ESCO1: variants seen among roughly 807,000 people sequenced by gnomAD.
ESCO1 encodes establishment of sister chromatid cohesion N-acetyltransferase 1.
In ESCO1, 33 loss-of-function variants were observed where a neutral mutation model predicts 83.5. The ratio of observed to expected loss-of-function variants is 0.40; its 90% CI spans 0.30 to 0.53. ESCO1 has a LOEUF of 0.53. Ranked by LOEUF, ESCO1 falls within the 20% of genes least tolerant of loss-of-function variation. The pLI is 0.63. For synonymous variants in ESCO1, 332 were observed against 324.3 expected (o/e 1.02, Z -0.25); for missense variants, 855 against 968.0 (o/e 0.88, Z 1.55).
At chr18:21,540,646 G>T in intron 8 of ESCO1, 1 of 1,341,470 alleles carries the variant, frequency 7.5e-7, no homozygotes, top group Non-Finnish European at 9.8e-7. Context: ...CTCAAAAAAA[G>T]AGAGGTAATA....
At chr18:21,531,889 A>G (rs771696706) in intron 11 of ESCO1, among the ~76,000 whole-genome samples, 22 of 46,660 alleles carry the variant, frequency 4.7e-4, no homozygotes, top group Non-Finnish European at 7.9e-4. Flanking sequence ...ATGAGACTCC[A>G]TCTCAAAAAA....
rs755285264 is a variant in ESCO1 at position 21,530,295 on chromosome 18, C to A, written c.*48G>T. On this transcript the variant is annotated 3_prime_UTR_variant, in exon 12 of 12. Transcript: ENST00000269214. Reference sequence around the variant, plus strand: ...TTCCTGGTTAAAGTCAGCAACCAATCCATTCTCTTCAATAGATGTCTTCTA... The same window carrying A: ...TTCCTGGTTAAAGTCAGCAACCAATACATTCTCTTCAATAGATGTCTTCTA... The A allele has an allele frequency of 6.9e-7, 1 of 1,447,210 alleles. No individual in the cohort carries two copies. Among genetic ancestry groups the A allele is most frequent in the Non-Finnish European group, 9.1e-7 (1 of 1,094,362 alleles). 89.6% of individuals were successfully genotyped at this position (1,447,210 alleles called of 1,614,324 possible).
At chr18:21,555,215 A>G (rs940270840) in intron 8 of ESCO1, among the ~76,000 whole-genome samples, 1 of 152,238 alleles carries the variant, frequency 6.6e-6, no homozygotes, top group African/African-American at 2.4e-5. Context: ...AGAAAAGGTA[A>G]AACTATGGAG....
intron 8 of ESCO1, among the ~76,000 whole-genome samples, chr18:21,551,077 A>G (rs1022479485): frequency 6.7e-5 from 10 of 149,160 alleles, no homozygotes; most frequent in African/African-American, 2.5e-4. Flanking sequence ...ACGCCACTGC[A>G]CTCCAGCCTG....
chr18:21,540,679 C>G (rs369884269), intron 8 of ESCO1: 20 of 1,302,660 alleles, frequency 1.5e-5, no homozygotes, highest in Admixed American at 4.6e-5. Flanking sequence ...GATCCACACT[C>G]GTGGTGATTA....
intron 1 of ESCO1, among the ~76,000 whole-genome samples, chr18:21,592,073 T>C (rs2038678683): frequency 6.6e-6 from 1 of 151,498 alleles, no homozygotes; most frequent in Non-Finnish European, 1.5e-5. Context: ...TCTACTTCTT[T>C]CCACACAGAC....
chr18:21,554,544 A>G (rs1197488321), intron 8 of ESCO1, among the ~76,000 whole-genome samples: 1 of 152,194 alleles, frequency 6.6e-6, no homozygotes, highest in Admixed American at 6.5e-5. Flanking sequence ...AGGCGGGTGG[A>G]TCACTTGAGG....
chr18:21,543,945 G>A (rs2037938721), intron 8 of ESCO1, among the ~76,000 whole-genome samples: 1 of 152,132 alleles, frequency 6.6e-6, no homozygotes, highest in East Asian at 1.9e-4. Flanking sequence ...TGAAGGTGTA[G>A]TTATATTCTT....
At chr18:21,531,236 G>A (rs899055113) in intron 11 of ESCO1, among the ~76,000 whole-genome samples, 8 of 151,050 alleles carry the variant, frequency 5.3e-5, no homozygotes, top group Non-Finnish European at 1.2e-4. Context: ...AAGCCCAAGA[G>A]TTCAAGGCCA....
rs567313274 is a variant in ESCO1, at chr18:21,540,863, G to A, written c.1954-854C>T. 3.9e-5 allele frequency among the ~76,000 whole-genome samples: 6 copies of A among 152,098 alleles called. No individual in the cohort carries two copies. In the East Asian group the frequency reaches 9.7e-4, roughly 24 times the overall value. On this transcript the variant is annotated intron_variant, in intron 8 of 11. Coordinates refer to ENST00000269214, the MANE Select transcript of ESCO1 (RefSeq NM_052911.3). ...AACCCAACCAACTTTACATAAAAAG[G>A]CCTTTCCAGAAGCCATTTATACTTC... is the stretch of plus-strand genomic sequence containing the variant.
chr18:21,536,207 T>C, intron 9 of ESCO1, 22 bp from the exon 10 acceptor site: 20 of 1,600,490 alleles, frequency 1.2e-5, no homozygotes, highest in Non-Finnish European at 1.7e-5. Context: ...AGAACAGTAA[T>C]TATTTTTAAA....
chr18:21,558,214 CAAAT>C (rs2038136994), intron 8 of ESCO1, among the ~76,000 whole-genome samples: 1 of 151,588 alleles, frequency 6.6e-6, no homozygotes, highest in Non-Finnish European at 1.5e-5. Context: ...TCTAATAAGT[CAAAT>C]AAAATTCATT....
intron 2 of ESCO1, among the ~76,000 whole-genome samples, chr18:21,580,043 G>A (rs1389067206): frequency 1.3e-5 from 2 of 151,168 alleles, no homozygotes; most frequent in African/African-American, 2.4e-5. Flanking sequence ...TTACAGGCAC[G>A]CACCACCACA....
chr18:21,594,382 C>T (rs1335629527), intron 1 of ESCO1, among the ~76,000 whole-genome samples: 1 of 152,196 alleles, frequency 6.6e-6, no homozygotes, highest in African/African-American at 2.4e-5. Flanking sequence ...CAAGATGTAG[C>T]TCTGTAAACA....
At chr18:21,589,961 G>A (rs1011904715) in intron 1 of ESCO1, among the ~76,000 whole-genome samples, 1 of 151,780 alleles carries the variant, frequency 6.6e-6, no homozygotes. Context: ...CCGAGTAGCT[G>A]GGACTACAGG....
At chr18:21,566,299 T>C (rs370487783) in intron 5 of ESCO1, 93 bp from the exon 6 acceptor site, 71 of 1,089,708 alleles carry the variant, frequency 6.5e-5, no homozygotes, top group African/African-American at 4.0e-4. Flanking sequence ...GAAAAAAACC[T>C]TCAATGCATT....
intron 2 of ESCO1, 131 bp from the exon 3 acceptor site, chr18:21,575,908 C>T (rs2038413297): frequency 5.1e-6 from 2 of 392,020 alleles, no homozygotes; most frequent in Non-Finnish European, 9.0e-6. Context: ...TTCCTCAAAG[C>T]TCATATTACA....
At chr18:21,539,688 A>G (rs1333289075) in intron 9 of ESCO1, among the ~76,000 whole-genome samples, 2 of 152,058 alleles carry the variant, frequency 1.3e-5, no homozygotes, top group African/African-American at 4.8e-5. Context: ...TGTCTCTACT[A>G]AAAATACAAG....
chr18:21,574,113 G>A lies in ESCO1; in HGVS notation c.731C>T (p.Ser244Phe), dbSNP rs913791683. 2 of 1,613,430 alleles carry A rather than the reference G, an allele frequency of 1.2e-6. No individual in the cohort carries two copies. The highest frequency in any genetic ancestry group is 1.7e-5 in the Admixed American group (1 of 59,984). ...AGCCATTTTTGATCTTTTCACCTCA[G>A]AAGTTACAGGCACAGGTTTCGTTTC... is the stretch of plus-strand genomic sequence containing the variant. ...RDETKPVPVT[S>F]EVKRSKMATS... Residue 244 changes from serine to phenylalanine, a missense_variant, in exon 4 of 12, where the codon TCT (serine) becomes TTT (phenylalanine). Transcript: ENST00000269214.
Sources: gnomAD v4.1 joint callset for allele counts (sites outside exome capture counted in the v4.1 genomes callset) on GRCh38, gnomAD v4.1.1 for gene constraint, MANE v1.5 for transcripts, NCBI Gene and HGNC (gene_info 2026-07-23, HGNC 2026-07-21) for gene names.